Variants in EFCAB5 observed in about 807,000 individuals in gnomAD.
The protein encoded by EFCAB5 is EF-hand calcium binding domain 5.
A neutral mutation model predicts 167.9 loss-of-function variants in EFCAB5; 131 were observed. The observed-to-expected ratio is 0.78, with a 90% confidence interval of 0.68 to 0.90. The LOEUF is 0.90. Among genes scored for constraint, EFCAB5 ranks in the 40% least tolerant of loss-of-function variants. The probability of loss-of-function intolerance (pLI) is 0.00; values close to 1 mark genes in which losing one functional copy is unlikely to be tolerated. For missense variants in EFCAB5, 1,663 were observed against 1,745.2 expected (o/e 0.95, Z 0.84); for synonymous variants, 574 against 602.8 (o/e 0.95, Z 0.70).
chr17:30,048,433 C>T (rs920421308), intron 8 of EFCAB5, among the ~76,000 whole-genome samples: 3 of 151,002 alleles, frequency 2.0e-5, no homozygotes, highest in African/African-American at 2.4e-5. Flanking sequence ...GGGAAGTAAT[C>T]CTATCATATT....
chr17:30,004,604 ATAC>A (rs1942371284), intron 7 of EFCAB5, among the ~76,000 whole-genome samples: 1 of 148,708 alleles, frequency 6.7e-6, no homozygotes, highest in African/African-American at 2.5e-5. Context: ...CCCTCACCAG[ATAC>A]TAACTCTGTG....
At chr17:29,973,985 CTG>C (rs915372508) in intron 4 of EFCAB5, among the ~76,000 whole-genome samples, 1 of 151,368 alleles carries the variant, frequency 6.6e-6, no homozygotes, top group African/African-American at 2.4e-5. Flanking sequence ...TGGTGAAACC[CTG>C]TCTTACTAAA....
At chr17:30,073,650 A>T in intron 14 of EFCAB5, 1 of 713,978 alleles carries the variant, frequency 1.4e-6, no homozygotes, top group East Asian at 2.7e-5. Context: ...GCCCGTAGGG[A>T]AAGAAGGAAG....
chr17:30,003,113 G>T, intron 7 of EFCAB5, among the ~76,000 whole-genome samples: 1 of 148,570 alleles, frequency 6.7e-6, no homozygotes, highest in African/African-American at 2.5e-5. Flanking sequence ...GGGGGGGTCT[G>T]ATATTTCCTC....
chr17:29,994,630 G>T (rs1390733133), intron 5 of EFCAB5, among the ~76,000 whole-genome samples: 1 of 152,168 alleles, frequency 6.6e-6, no homozygotes, highest in African/African-American at 2.4e-5. Flanking sequence ...GCTCTATCAG[G>T]CTGGGCGCCA....
In EFCAB5 at chr17:30,092,064, A is replaced by G. The variant is rs766566104; in HGVS notation, c.4131A>G (p.Lys1377=). The G allele has an allele frequency of 6.2e-7, 1 of 1,614,012 alleles. No individual in the cohort carries two copies. The highest frequency in any genetic ancestry group is 8.5e-7 in the Non-Finnish European group (1 of 1,179,892). Residue 1377 remains lysine (K), a synonymous_variant, in exon 21 of 23, where the codon AAA becomes AAG. Transcript: ENST00000394835. ...SKSMELEANV[K]LVRDILKAVI... is the part of the protein sequence containing the mutation. The stretch of plus-strand genomic sequence containing the variant: ...CTATGGAGTTGGAAGCCAACGTGAA[A>G]CTAGTGCGTGACATCCTGAAGGCGG...
chr17:29,985,080 C>A (rs1337753680), intron 4 of EFCAB5, among the ~76,000 whole-genome samples: 2 of 152,152 alleles, frequency 1.3e-5, no homozygotes, highest in Non-Finnish European at 2.9e-5. Flanking sequence ...TTTTATTATT[C>A]TGAGCCATTC....
chr17:30,091,867 C>T lies in EFCAB5; in HGVS notation c.3938-4C>T. 6.2e-7 allele frequency: 1 copy of T among 1,612,660 alleles called. No homozygotes were observed. Among genetic ancestry groups the T allele is most frequent in the East Asian group, 2.2e-5 (1 of 44,854 alleles). On this transcript the variant is annotated splice_region_variant and splice_polypyrimidine_tract_variant and intron_variant, in intron 20 of 22. Coordinates refer to ENST00000394835, the MANE Select transcript of EFCAB5 (RefSeq NM_198529.4). ...CAATGTGAGCTATCATTTTGTTATTCCAGAGATTGAAAATGTCAGGGAAGT... is the reference window on the plus strand; with the variant it reads ...CAATGTGAGCTATCATTTTGTTATTTCAGAGATTGAAAATGTCAGGGAAGT...
intron 4 of EFCAB5, among the ~76,000 whole-genome samples, chr17:29,980,770 T>C (rs1168686693): frequency 2.0e-5 from 3 of 152,246 alleles, no homozygotes; most frequent in Admixed American, 6.5e-5. Flanking sequence ...ATTTATATCT[T>C]TGGTTCAAAC....
intron 22 of EFCAB5, among the ~76,000 whole-genome samples, chr17:30,097,051 T>TATAC (rs1330733463): frequency 3.5e-5 from 3 of 86,542 alleles, no homozygotes; most frequent in East Asian, 4.0e-4. Context: ...TACATATACA[T>TATAC]ATATATATAT....
chr17:29,962,632 C>CTTTTT (rs796553756), intron 3 of EFCAB5, among the ~76,000 whole-genome samples: 1 of 110,432 alleles, frequency 9.1e-6, no homozygotes, highest in Non-Finnish European at 1.8e-5. Flanking sequence ...CCATGCCTGG[C>CTTTTT]TTTTTTTTTT....
At chr17:30,013,699 C>G (rs1199998315) in intron 7 of EFCAB5, among the ~76,000 whole-genome samples, 2 of 152,014 alleles carry the variant, frequency 1.3e-5, no homozygotes, top group South Asian at 2.1e-4. Flanking sequence ...CTCTTTTCTT[C>G]TTTATTAGTC....
intron 3 of EFCAB5, among the ~76,000 whole-genome samples, chr17:29,944,617 GT>G (rs1223652580): frequency 1.4e-5 from 2 of 139,502 alleles, no homozygotes; most frequent in East Asian, 2.1e-4. Flanking sequence ...GTTGTTTTCT[GT>G]TTTGTTTTGT....
chr17:30,070,287 G>A lies in EFCAB5; in HGVS notation c.2738-7928G>A, dbSNP rs180809011. Among the ~76,000 whole-genome samples the A allele has an allele frequency of 9.6e-4, 146 of 151,956 alleles. 2 individuals carry two copies. In the Middle Eastern group the frequency reaches 0.01, roughly 11 times the overall value. ...ACCATACTACCAAAAGCAATCTACAGTTTCCATACAATCCTGATCAAATAC... is the reference window on the plus strand; with the variant it reads ...ACCATACTACCAAAAGCAATCTACAATTTCCATACAATCCTGATCAAATAC... On this transcript the variant is annotated intron_variant, in intron 14 of 22. Transcript: ENST00000394835.
chr17:30,055,816 C>A, intron 10 of EFCAB5, 72 bp from the exon 11 acceptor site: 1 of 1,510,488 alleles, frequency 6.6e-7, no homozygotes, highest in Non-Finnish European at 9.0e-7. Flanking sequence ...ATTTCTATCA[C>A]TTATTAACCT....
intron 7 of EFCAB5, among the ~76,000 whole-genome samples, chr17:30,000,537 G>C (rs1369344055): frequency 6.6e-6 from 1 of 152,160 alleles, no homozygotes. Context: ...TGGTACTAGA[G>C]TCCTAAGTCT....
chr17:29,972,812 A>G, intron 4 of EFCAB5: 1 of 218,712 alleles, frequency 4.6e-6, no homozygotes. Context: ...TGTGAGCTCC[A>G]GGCCTGTTGA....
At position 30,011,815 on chromosome 17, in the gene EFCAB5, C is replaced by G. The variant is rs370675027; in HGVS notation, c.1044+11839C>G. 3.3e-5 allele frequency among the ~76,000 whole-genome samples: 5 copies of G among 151,556 alleles called. No homozygotes were observed. In the East Asian group the frequency reaches 9.7e-4, roughly 29 times the overall value. On this transcript the variant is annotated intron_variant, in intron 7 of 22. Transcript: ENST00000394835. ...CTGTGGGTGGCAAGCCACCCAGGTG[C>G]CAAGGCAAGAGACCGAGGACGCGAG...
chr17:30,101,553 A>G (rs2071382999), intron 22 of EFCAB5, among the ~76,000 whole-genome samples: 1 of 152,208 alleles, frequency 6.6e-6, no homozygotes, highest in African/African-American at 2.4e-5. Flanking sequence ...AGATGTGACT[A>G]TGTAGATGGT....
Sources: allele counts gnomAD v4.1 joint callset (sites outside exome capture counted in the v4.1 genomes callset), GRCh38; gene constraint gnomAD v4.1.1; transcripts MANE v1.5; gene names NCBI Gene and HGNC (gene_info 2026-07-23, HGNC 2026-07-21).